Variants in CALD1 observed in about 807,000 individuals in gnomAD.
The protein encoded by CALD1 is caldesmon.
A neutral mutation model predicts 99.9 loss-of-function variants in CALD1; 33 were observed. The observed-to-expected ratio is 0.33, with a 90% CI of 0.25 to 0.44. The LOEUF is 0.44. CALD1 is among the 20% of genes least tolerant of loss of function. The pLI is 1.00. For missense variants in CALD1, 861 were observed against 962.1 expected (o/e 0.89, Z 1.39); for synonymous variants, 310 against 325.0 (o/e 0.95, Z 0.50).
intron 1 of CALD1, among the ~76,000 whole-genome samples, chr7:134,826,620 T>C (rs894654931): frequency 4.7e-5 from 7 of 147,588 alleles, no homozygotes; most frequent in African/African-American, 1.1e-4. Flanking sequence ...TAAACTATCA[T>C]GATAACAGAC....
intron 3 of CALD1, among the ~76,000 whole-genome samples, chr7:134,879,863 T>C (rs1801515471): frequency 6.6e-6 from 1 of 152,232 alleles, no homozygotes; most frequent in African/African-American, 2.4e-5. Context: ...TTATTTTCCA[T>C]TTTAATAACT....
upstream of CALD1, among the ~76,000 whole-genome samples, chr7:134,776,035 T>C (rs887212352): frequency 5.3e-5 from 8 of 152,322 alleles, no homozygotes; most frequent in African/African-American, 1.9e-4. Flanking sequence ...TTAGTTCCAA[T>C]ATATTTATAG....
At chr7:134,823,433 G>A (rs1798861466) in intron 1 of CALD1, among the ~76,000 whole-genome samples, 1 of 152,166 alleles carries the variant, frequency 6.6e-6, no homozygotes, top group Non-Finnish European at 1.5e-5. Flanking sequence ...GATAAAGCAT[G>A]GAGATTTTTC....
chr7:134,868,580 G>A (rs543869052), intron 3 of CALD1, among the ~76,000 whole-genome samples: 95 of 152,250 alleles, frequency 6.2e-4, no homozygotes, highest in African/African-American at 2.2e-3. Flanking sequence ...TTTTTTCCCA[G>A]TAACTCCAAT....
intron 3 of CALD1, among the ~76,000 whole-genome samples, chr7:134,895,427 C>G (rs1175493376): frequency 6.6e-6 from 1 of 150,650 alleles, no homozygotes; most frequent in African/African-American, 2.4e-5. Flanking sequence ...AGGAGCTGTC[C>G]TTATGAACAT....
Position 134,870,866 on chromosome 7 carries a change from T to C in CALD1, c.71+3062T>C, listed in dbSNP as rs548573820. 3.0e-4 allele frequency among the ~76,000 whole-genome samples: 45 copies of C among 152,306 alleles called. No homozygotes were observed. In the South Asian group the frequency reaches 8.1e-3, roughly 27 times the overall value. On this transcript the variant is annotated intron_variant, in intron 3 of 14. Coordinates refer to ENST00000361675, the MANE Select transcript of CALD1 (RefSeq NM_033138.4). ...GCTATTCTGAGATTTGGTAAGCCCA[T>C]GACCACCCTTCAGGATTTTGTAAAA...
At chr7:134,807,415 G>A (rs1312745794) in intron 1 of CALD1, among the ~76,000 whole-genome samples, 2 of 152,052 alleles carry the variant, frequency 1.3e-5, no homozygotes, top group Non-Finnish European at 2.9e-5. Context: ...GCTACAGGGG[G>A]CCTTTAATTA....
At chr7:134,720,184 CTTTT>C in the CALD1 span, among the ~76,000 whole-genome samples, 1 of 139,920 alleles carries the variant, frequency 7.1e-6, no homozygotes, top group Non-Finnish European at 1.6e-5. Flanking sequence ...TAGCCCTCCT[CTTTT>C]TTTTTTTTTT....
intron 3 of CALD1, among the ~76,000 whole-genome samples, chr7:134,918,722 C>T (rs959230152): frequency 6.6e-6 from 1 of 152,112 alleles, no homozygotes; most frequent in Admixed American, 6.6e-5. Flanking sequence ...CATGGCTAGG[C>T]GTAGTGGCTC....
intron 1 of CALD1, among the ~76,000 whole-genome samples, chr7:134,749,526 G>A (rs1187207292): frequency 6.6e-6 from 1 of 152,216 alleles, no homozygotes. Context: ...GGCTGAGGCA[G>A]GAGAATCGCT....
chr7:134,738,392 C>T, the CALD1 span, among the ~76,000 whole-genome samples: 13 of 152,178 alleles, frequency 8.5e-5, no homozygotes, highest in African/African-American at 2.9e-4. Flanking sequence ...TTCAGCCTGC[C>T]ATCTCATCAG....
intron 1 of CALD1, among the ~76,000 whole-genome samples, chr7:134,817,397 A>G (rs886601289): frequency 6.6e-6 from 1 of 152,192 alleles, no homozygotes; most frequent in African/African-American, 2.4e-5. Flanking sequence ...GGTCCCAGGT[A>G]CCCAGTTTTC....
intron 3 of CALD1, among the ~76,000 whole-genome samples, chr7:134,925,986 G>A (rs1804984688): frequency 2.0e-5 from 3 of 152,170 alleles, no homozygotes; most frequent in South Asian, 2.1e-4. Context: ...CAAGAAATAA[G>A]CCAAAGGAAC....
chr7:134,802,361 A>G (rs989960336), intron 1 of CALD1, among the ~76,000 whole-genome samples: 4 of 152,202 alleles, frequency 2.6e-5, no homozygotes, highest in Non-Finnish European at 5.9e-5. Context: ...TTTGTGCAAC[A>G]TAATGTTTTT....
intron 1 of CALD1, among the ~76,000 whole-genome samples, chr7:134,752,472 A>G (rs1796692816): frequency 6.6e-6 from 1 of 152,214 alleles, no homozygotes; most frequent in South Asian, 2.1e-4. Flanking sequence ...GAAACTATAT[A>G]TTATACAGTG....
At chr7:134,820,400 A>T (rs1798728419) in intron 1 of CALD1, among the ~76,000 whole-genome samples, 1 of 152,230 alleles carries the variant, frequency 6.6e-6, no homozygotes, top group South Asian at 2.1e-4. Flanking sequence ...CATGGGTAGA[A>T]GTTGGTGGAA....
intron 3 of CALD1, among the ~76,000 whole-genome samples, chr7:134,897,999 A>G (rs1297961719): frequency 6.6e-6 from 1 of 152,074 alleles, no homozygotes; most frequent in Non-Finnish European, 1.5e-5. Flanking sequence ...ATCTCGGCTC[A>G]CTGCAACCTC....
intron 3 of CALD1, among the ~76,000 whole-genome samples, chr7:134,871,903 A>G (rs1801099938): frequency 1.3e-5 from 2 of 152,188 alleles, no homozygotes; most frequent in African/African-American, 4.8e-5. Context: ...TTCAAAGACT[A>G]TTTTGCAAGC....
At chr7:134,764,663 G>A (rs1796809970) in intron 1 of CALD1, among the ~76,000 whole-genome samples, 1 of 152,212 alleles carries the variant, frequency 6.6e-6, no homozygotes, top group Non-Finnish European at 1.5e-5. Flanking sequence ...AAATGATAAA[G>A]AGAAAATGAG....
Sources: allele counts gnomAD v4.1 joint callset (sites outside exome capture counted in the v4.1 genomes callset), GRCh38; gene constraint gnomAD v4.1.1; transcripts MANE v1.5; gene names NCBI Gene and HGNC (gene_info 2026-07-23, HGNC 2026-07-21).